LRRC7: variants seen among roughly 807,000 people sequenced by gnomAD.
LRRC7 encodes the protein leucine-rich repeat-containing protein 7.
A neutral mutation model predicts 175.7 loss-of-function variants in LRRC7; 23 were observed. The observed-to-expected ratio is 0.13, with a 90% CI of 0.09 to 0.19. LRRC7 has a LOEUF of 0.19. LRRC7 is among the 10% of genes least tolerant of loss of function. LRRC7 has a pLI of 1.00. For missense variants in LRRC7, 1,354 were observed against 1,904.7 expected (o/e 0.71, Z 5.38); for synonymous variants, 685 against 680.9 (o/e 1.01, Z -0.09).
intron 2 of LRRC7, among the ~76,000 whole-genome samples, chr1:69,704,665 C>A (rs1052276975): frequency 1.3e-5 from 2 of 151,884 alleles, no homozygotes; most frequent in Non-Finnish European, 1.5e-5. Flanking sequence ...CACTTTATAA[C>A]TTTATTATTT....
rs564255357 is a variant in LRRC7 at position 70,095,638 on chromosome 1, A to G, written c.4545+5819A>G. On this transcript the variant is annotated intron_variant, in intron 25 of 26. Coordinates refer to ENST00000651989, the MANE Select transcript of LRRC7 (RefSeq NM_001370785.2). ...AATGTCGGTATCTAGACATTATAAT[A>G]GAAAGGAGACATGAATTTCAGCTTA... Among the ~76,000 whole-genome samples, 373 of 152,326 alleles carry G rather than the reference A, an allele frequency of 2.4e-3. 4 individuals are homozygous for G. Among genetic ancestry groups the G allele is most frequent in the African/African-American group, 8.6e-3 (357 of 41,582 alleles).
At chr1:69,774,639 A>T (rs143428657) in intron 3 of LRRC7, among the ~76,000 whole-genome samples, 1 of 152,326 alleles carries the variant, frequency 6.6e-6, no homozygotes, top group African/African-American at 2.4e-5. Flanking sequence ...CATGTTACAT[A>T]CTTTAAATAT....
intron 25 of LRRC7, among the ~76,000 whole-genome samples, chr1:70,104,203 T>G (rs1317156589): frequency 6.6e-6 from 1 of 152,228 alleles, no homozygotes; most frequent in Non-Finnish European, 1.5e-5. Flanking sequence ...CCCACCAAAC[T>G]CTGTCATCAG....
chr1:69,645,121 A>G (rs902262230), intron 1 of LRRC7, among the ~76,000 whole-genome samples: 4 of 151,826 alleles, frequency 2.6e-5, no homozygotes, highest in Admixed American at 2.6e-4. Flanking sequence ...CCATGGTAGT[A>G]CAGTAAGAAA....
At chr1:69,826,960 A>C (rs1446469595) in intron 5 of LRRC7, among the ~76,000 whole-genome samples, 1 of 152,080 alleles carries the variant, frequency 6.6e-6, no homozygotes, top group Non-Finnish European at 1.5e-5. Context: ...TTAGATGGAG[A>C]TCTTTATAGT....
chr1:69,868,559 T>G (rs992974265), intron 7 of LRRC7, among the ~76,000 whole-genome samples: 2 of 152,108 alleles, frequency 1.3e-5, no homozygotes, highest in African/African-American at 4.8e-5. Context: ...TATAGAATGA[T>G]GGCAGAGAGT....
chr1:70,115,868 G>A (rs1665815955), intron 26 of LRRC7, among the ~76,000 whole-genome samples: 1 of 152,200 alleles, frequency 6.6e-6, no homozygotes, highest in Non-Finnish European at 1.5e-5. Context: ...AAATGAGCCT[G>A]TCATTTAAGA....
At chr1:69,805,371 A>T (rs1037497237) in intron 4 of LRRC7, among the ~76,000 whole-genome samples, 6 of 151,830 alleles carry the variant, frequency 4.0e-5, no homozygotes, top group Non-Finnish European at 8.8e-5. Context: ...AGTAGTGTAT[A>T]CATTATAAAT....
chr1:69,614,851 A>C (rs1176592859), intron 1 of LRRC7, among the ~76,000 whole-genome samples: 1 of 152,050 alleles, frequency 6.6e-6, no homozygotes, highest in African/African-American at 2.4e-5. Context: ...AATTTGCCCC[A>C]AATTTACAGA....
intron 24 of LRRC7, among the ~76,000 whole-genome samples, chr1:70,082,353 C>A (rs1376465339): frequency 2.6e-5 from 4 of 152,186 alleles, no homozygotes; most frequent in African/African-American, 9.7e-5. Context: ...GTGCCTTATC[C>A]TGTCCCACTT....
intron 2 of LRRC7, among the ~76,000 whole-genome samples, chr1:69,687,231 A>G (rs1661259138): frequency 6.6e-6 from 1 of 152,118 alleles, no homozygotes; most frequent in Non-Finnish European, 1.5e-5. Context: ...ATTTTAGGAC[A>G]GGCACGTTGG....
intron 2 of LRRC7, among the ~76,000 whole-genome samples, chr1:69,708,194 G>A (rs1209992678): frequency 6.6e-6 from 1 of 152,104 alleles, no homozygotes; most frequent in Non-Finnish European, 1.5e-5. Flanking sequence ...AAAACAATGT[G>A]TTTGCTATAT....
chr1:70,025,822 C>T (rs1658026717), intron 17 of LRRC7, among the ~76,000 whole-genome samples: 1 of 134,026 alleles, frequency 7.5e-6, no homozygotes, highest in African/African-American at 3.3e-5. Context: ...CTGGAACTTC[C>T]TCAATTTAAG....
intron 2 of LRRC7, among the ~76,000 whole-genome samples, chr1:69,734,068 G>C (rs1237290105): frequency 1.3e-5 from 2 of 151,920 alleles, no homozygotes; most frequent in African/African-American, 4.8e-5. Flanking sequence ...TTAAGGTTGG[G>C]AGTGTCACAT....
intron 23 of LRRC7, 141 bp downstream of exon 23, chr1:70,053,286 T>C (rs1660883486): frequency 1.4e-6 from 1 of 725,476 alleles, no homozygotes; most frequent in African/African-American, 1.8e-5. Context: ...ACGAGTTTGG[T>C]TGACTGTAAG....
chr1:69,960,644 A>G (rs1283605456), intron 8 of LRRC7, among the ~76,000 whole-genome samples: 1 of 151,446 alleles, frequency 6.6e-6, no homozygotes, highest in African/African-American at 2.4e-5. Context: ...CCCTTTTAAC[A>G]TTGCTTTGGC....
At chr1:69,943,767 C>A (rs1374117252) in intron 8 of LRRC7, among the ~76,000 whole-genome samples, 1 of 151,910 alleles carries the variant, frequency 6.6e-6, no homozygotes, top group African/African-American at 2.4e-5. Context: ...GGTAAACCTG[C>A]CTCTAGGTAG....
chr1:70,060,020 G>T (rs2102080987), intron 23 of LRRC7, among the ~76,000 whole-genome samples: 1 of 152,012 alleles, frequency 6.6e-6, no homozygotes, highest in East Asian at 1.9e-4. Context: ...ATCTAAAATA[G>T]ATAATTATGT....
At chr1:69,659,878 A>T (rs1657194855) in intron 1 of LRRC7, among the ~76,000 whole-genome samples, 1 of 152,016 alleles carries the variant, frequency 6.6e-6, no homozygotes, top group South Asian at 2.1e-4. Flanking sequence ...AAACAAGAAA[A>T]AAGGGTCCCA....
Sources: gnomAD v4.1 joint callset for allele counts (sites outside exome capture counted in the v4.1 genomes callset) on GRCh38, gnomAD v4.1.1 for gene constraint, MANE v1.5 for transcripts, NCBI Gene and HGNC (gene_info 2026-07-23, HGNC 2026-07-21) for gene names.